Variants in CDH6 observed in about 807,000 individuals in gnomAD.
CDH6 encodes the protein cadherin 6.
In CDH6, 31 loss-of-function variants were observed where a neutral mutation model predicts 78.0. The observed-to-expected ratio is 0.40, with a 90% CI of 0.30 to 0.54. The LOEUF (loss-of-function observed/expected upper bound fraction) is 0.54, where lower values mean the gene tolerates loss of function less well. CDH6 is among the 20% of genes least tolerant of loss of function. The pLI is 0.56. For missense variants in CDH6, 724 were observed against 975.9 expected, an observed-to-expected ratio of 0.74 and a Z score of 3.44; for synonymous variants, 376 against 368.8, an observed-to-expected ratio of 1.02 and a Z score of -0.23.
intron 2 of CDH6, among the ~76,000 whole-genome samples, chr5:31,290,225 A>G (rs1295185856): frequency 3.3e-5 from 5 of 152,200 alleles, no homozygotes; most frequent in African/African-American, 1.2e-4. Context: ...GCACCACTGC[A>G]CTCCAGCCTG....
At chr5:31,300,925 A>C (rs1393726297) in intron 5 of CDH6, among the ~76,000 whole-genome samples, 1 of 152,220 alleles carries the variant, frequency 6.6e-6, no homozygotes, top group East Asian at 1.9e-4. Context: ...GTTCAAGAGC[A>C]GCCGAGGCAA....
intron 1 of CDH6, among the ~76,000 whole-genome samples, chr5:31,211,706 C>T (rs887925448): frequency 3.3e-5 from 5 of 151,954 alleles, no homozygotes; most frequent in Non-Finnish European, 5.9e-5. Context: ...ATGTATGCCA[C>T]ACAACAGGAT....
intron 1 of CDH6, among the ~76,000 whole-genome samples, chr5:31,221,000 T>TC (rs1410597641): frequency 6.6e-6 from 1 of 152,204 alleles, no homozygotes; most frequent in Non-Finnish European, 1.5e-5. Flanking sequence ...TTGCCTGAAT[T>TC]CTCACCCTAT....
In CDH6 at chr5:31,193,745, T is replaced by C. The variant is rs905391111; in HGVS notation, c.-270T>C. On this transcript the variant is annotated 5_prime_UTR_variant, in exon 1 of 12. Coordinates refer to ENST00000265071, the MANE Select transcript of CDH6 (RefSeq NM_004932.4). ...ACAAGAGCCAGCTCTCCCGAGCCCG[T>C]AACCTTCGCATCCCAAGAGCTGCAG... 1 of 152,780 alleles carries C rather than the reference T, an allele frequency of 6.5e-6. No individual in the cohort carries two copies. Among genetic ancestry groups the C allele is most frequent in the Non-Finnish European group, 1.5e-5 (1 of 68,200 alleles). 9.5% of individuals were successfully genotyped at this position (152,780 alleles called of 1,614,324 possible). A position where few individuals can be genotyped will look rare whatever the true frequency, so the allele number is the denominator to read the frequency against.
Position 31,299,585 on chromosome 5 carries a change from C to T in CDH6, c.765C>T (p.Asn255=), listed in dbSNP as rs755804928. The change falls in exon 5 of 12, where the codon AAC becomes AAT. Residue 255 remains asparagine, a synonymous_variant. Coordinates refer to ENST00000265071, the MANE Select transcript of CDH6 (RefSeq NM_004932.4). ...GATTATCTGGGACCACCACCGTGAA[C>T]ATCACACTGACTGATGTCAACGACA... The part of the protein sequence containing the change: ...MGGLSGTTTV[N]ITLTDVNDNP... 1 of 1,613,966 alleles carries T rather than the reference C, an allele frequency of 6.2e-7. No homozygotes were observed. Among genetic ancestry groups the T allele is most frequent in the South Asian group, 1.1e-5 (1 of 91,042 alleles).
At chr5:31,265,597 C>T (rs1436991264) in intron 1 of CDH6, among the ~76,000 whole-genome samples, 1 of 152,040 alleles carries the variant, frequency 6.6e-6, no homozygotes, top group Admixed American at 6.6e-5. Flanking sequence ...TGACAAGAAT[C>T]AAGTGAACCA....
intron 1 of CDH6, among the ~76,000 whole-genome samples, chr5:31,211,424 A>G (rs527737971): frequency 3.9e-5 from 6 of 152,080 alleles, no homozygotes; most frequent in Admixed American, 2.0e-4. Context: ...CTTCAAAAAT[A>G]GAATCACAAA....
intron 2 of CDH6, among the ~76,000 whole-genome samples, chr5:31,270,077 A>C (rs1382643613): frequency 6.6e-6 from 1 of 152,236 alleles, no homozygotes; most frequent in African/African-American, 2.4e-5. Context: ...AAAAAAATAC[A>C]TTTTTAAAAA....
chr5:31,277,361 G>A (rs1272651038), intron 2 of CDH6, among the ~76,000 whole-genome samples: 1 of 152,122 alleles, frequency 6.6e-6, no homozygotes, highest in African/African-American at 2.4e-5. Flanking sequence ...TAATAAGAAA[G>A]TTTAAGGCAC....
Position 31,267,461 on chromosome 5 carries a change from C to A in CDH6, c.-13C>A, listed in dbSNP as rs112368228. 7.2e-4 allele frequency: 1,157 copies of A among 1,606,876 alleles called. 8 individuals carry two copies. The African/African-American group carries it at 0.013, about 18-fold the overall frequency. ...GGGCACTCACTACGCACAGACTCGA[C>A]GGTGCCATCAGCATGAGAACTTACC... On this transcript the variant is annotated 5_prime_UTR_variant, in exon 2 of 12. Coordinates refer to ENST00000265071, the MANE Select transcript of CDH6 (RefSeq NM_004932.4).
chr5:31,311,942 C>G (rs1257231291), intron 7 of CDH6, among the ~76,000 whole-genome samples: 1 of 117,476 alleles, frequency 8.5e-6, no homozygotes, highest in African/African-American at 2.5e-5. Context: ...GACAACATTT[C>G]TCAAAATCCA....
chr5:31,214,773 A>C (rs1295809462), intron 1 of CDH6, among the ~76,000 whole-genome samples: 1 of 152,180 alleles, frequency 6.6e-6, no homozygotes, highest in Non-Finnish European at 1.5e-5. Flanking sequence ...ATACTATAAC[A>C]TTCATCTCGC....
At chr5:31,289,773 A>G (rs908449814) in intron 2 of CDH6, among the ~76,000 whole-genome samples, 6 of 152,142 alleles carry the variant, frequency 3.9e-5, no homozygotes, top group East Asian at 1.9e-4. Flanking sequence ...ACGACTAAAA[A>G]TCTTTGTTAT....
At chr5:31,218,534 T>A (rs986792504) in intron 1 of CDH6, among the ~76,000 whole-genome samples, 1 of 152,160 alleles carries the variant, frequency 6.6e-6, no homozygotes, top group African/African-American at 2.4e-5. Flanking sequence ...TCTTGCTATC[T>A]TCCCCCATTC....
intron 6 of CDH6, among the ~76,000 whole-genome samples, chr5:31,303,641 C>T (rs1268435990): frequency 6.6e-6 from 1 of 152,132 alleles, no homozygotes; most frequent in African/African-American, 2.4e-5. Context: ...TTAATTTTGG[C>T]TAACTTCTTA....
chr5:31,319,225 G>C (rs1738411445), intron 11 of CDH6, among the ~76,000 whole-genome samples: 1 of 152,146 alleles, frequency 6.6e-6, no homozygotes, highest in Non-Finnish European at 1.5e-5. Context: ...TGACAGTGGT[G>C]ATTCTTCCTT....
chr5:31,302,798 G>GA (rs1554009977), intron 6 of CDH6, among the ~76,000 whole-genome samples: 1 of 36,598 alleles, frequency 2.7e-5, no homozygotes, highest in Middle Eastern at 0.013. Flanking sequence ...GAGAGAGAGA[G>GA]AGAAAGAAAG....
chr5:31,214,079 C>A (rs557027876), intron 1 of CDH6, among the ~76,000 whole-genome samples: 1 of 146,712 alleles, frequency 6.8e-6, no homozygotes, highest in South Asian at 2.2e-4. Flanking sequence ...GTTGAAACGG[C>A]AATGATTTAC....
chr5:31,268,377 C>T (rs1367722994), intron 2 of CDH6, among the ~76,000 whole-genome samples: 1 of 152,212 alleles, frequency 6.6e-6, no homozygotes, highest in Non-Finnish European at 1.5e-5. Flanking sequence ...ATTTTATTGA[C>T]TCCAGAAAGT....
Sources: allele counts gnomAD v4.1 joint callset (sites outside exome capture counted in the v4.1 genomes callset), GRCh38; gene constraint gnomAD v4.1.1; transcripts MANE v1.5; gene names NCBI Gene and HGNC (gene_info 2026-07-23, HGNC 2026-07-21).